Variants in ALDOB observed in about 807,000 individuals in gnomAD.
ALDOB encodes aldolase, fructose-bisphosphate B, also known as fructose-bisphosphate aldolase B.
In ALDOB, 39 loss-of-function variants were observed where a neutral mutation model predicts 41.0. That is an observed-to-expected ratio of 0.95 (90% CI 0.74 to 1.24). The LOEUF is 1.24. ALDOB is among the 50% of genes most tolerant of loss of function. The pLI is 0.00. For synonymous variants in ALDOB, 175 were observed against 168.8 expected (o/e 1.04, Z -0.28); for missense variants, 530 against 457.3 (o/e 1.16, Z -1.45).
intron 1 of ALDOB, among the ~76,000 whole-genome samples, chr9:101,431,121 T>C (rs1274484318): frequency 6.6e-6 from 1 of 152,232 alleles, no homozygotes; most frequent in Non-Finnish European, 1.5e-5. Context: ...ATGGTGATCC[T>C]AGACAGAATG....
At position 101,427,546 on chromosome 9, in the gene ALDOB, G is replaced by A. The variant is rs1564078173; in HGVS notation, c.476C>T (p.Pro159Leu). The A allele has an allele frequency of 6.2e-7, 1 of 1,614,140 alleles. No individual in the cohort carries two copies. ...GTTTTCCTGGATAGCGAGGCTGGAT[G>A]GACACTGGTCGGCAATCCTCAGCAC... is the stretch of plus-strand genomic sequence containing the variant. ...RAVLRIADQC[P>L]SSLAIQENAN... The change falls in exon 5 of 9, where the codon CCA becomes CTA. Residue 159 changes from proline to leucine, a missense_variant. By Grantham distance (98) the Pro-to-Leu change is moderately conservative. Coordinates refer to ENST00000647789, the MANE Select transcript of ALDOB (RefSeq NM_000035.4).
intron 1 of ALDOB, among the ~76,000 whole-genome samples, chr9:101,431,519 T>A (rs117205419): frequency 1.3e-5 from 2 of 152,336 alleles, no homozygotes; most frequent in East Asian, 3.9e-4. Context: ...GTTTCCTAAG[T>A]GCCTCTGGGC....
chr9:101,430,703 T>A, intron 2 of ALDOB, 73 bp downstream of exon 2: 1 of 1,130,348 alleles, frequency 8.8e-7, no homozygotes, highest in Non-Finnish European at 1.3e-6. Flanking sequence ...AAGAATATGA[T>A]TATCAAGTTG....
At position 101,420,945 on chromosome 9, in the gene ALDOB, A is replaced by AC. The variant is rs1417707911; in HGVS notation, c.*863dup. Reference sequence around the variant, plus strand: ...TGACAAGGTAGTCCTGTTTCACCAAACCTGGGCCACTTGAACAAGAATGCT... The same window carrying AC: ...TGACAAGGTAGTCCTGTTTCACCAAACCCTGGGCCACTTGAACAAGAATGCT... On this transcript the variant is annotated 3_prime_UTR_variant, in exon 9 of 9. Coordinates refer to ENST00000647789, the MANE Select transcript of ALDOB (RefSeq NM_000035.4). 2.6e-5 allele frequency: 4 copies of AC among 152,186 alleles called. No homozygotes were observed. Among genetic ancestry groups the AC allele is most frequent in the Non-Finnish European group, 5.9e-5 (4 of 68,042 alleles). 9.4% of individuals were successfully genotyped at this position (152,186 alleles called of 1,614,324 possible). A position where few individuals can be genotyped will look rare whatever the true frequency, so the allele number is the denominator to read the frequency against.
At position 101,421,560 on chromosome 9, in the gene ALDOB, A is replaced by G. The variant is rs1831046875; in HGVS notation, c.*249T>C. ...AAGCCTATTATTTTCTTGGGTGGGTATTCTGGAGCATGGGGAGCTGAAAGT... is the reference window on the plus strand; with the variant it reads ...AAGCCTATTATTTTCTTGGGTGGGTGTTCTGGAGCATGGGGAGCTGAAAGT... On this transcript the variant is annotated 3_prime_UTR_variant, in exon 9 of 9. Transcript: ENST00000647789. 1.1e-5 allele frequency: 6 copies of G among 550,524 alleles called. No individual in the cohort carries two copies. Among genetic ancestry groups the G allele is most frequent in the South Asian group, 7.7e-5 (4 of 51,638 alleles). 34.1% of individuals were successfully genotyped at this position (550,524 alleles called of 1,614,324 possible). A position where few individuals can be genotyped will look rare whatever the true frequency, so the allele number is the denominator to read the frequency against.
intron 1 of ALDOB, 28 bp from the exon 2 acceptor site, chr9:101,430,925 A>C (rs374061630): frequency 4.6e-6 from 7 of 1,514,232 alleles, no homozygotes; most frequent in African/African-American, 2.7e-5. Context: ...AGAGTTGTGC[A>C]CAGAACCATG....
intron 3 of ALDOB, among the ~76,000 whole-genome samples, chr9:101,429,487 A>G (rs758147676): frequency 5.9e-5 from 9 of 152,298 alleles, no homozygotes; most frequent in African/African-American, 1.9e-4. Flanking sequence ...TCATCCCTGT[A>G]AGAACATCAT....
chr9:101,426,106 G>C (rs1427122043), intron 6 of ALDOB, among the ~76,000 whole-genome samples: 1 of 152,140 alleles, frequency 6.6e-6, no homozygotes, highest in African/African-American at 2.4e-5. Flanking sequence ...ACTAAGGTCA[G>C]GTGACATTAT....
chr9:101,426,811 A>G (rs1831136822), intron 5 of ALDOB, among the ~76,000 whole-genome samples, 173 bp from the exon 6 acceptor site: 1 of 152,184 alleles, frequency 6.6e-6, no homozygotes, highest in Non-Finnish European at 1.5e-5. Context: ...ATAAATACAA[A>G]CCCGTAATTA....
intron 7 of ALDOB, 122 bp downstream of exon 7, chr9:101,425,331 G>C (rs1237064040): frequency 1.5e-5 from 18 of 1,207,336 alleles, no homozygotes; most frequent in Admixed American, 5.6e-5. Context: ...AGTGCTGGCT[G>C]CCTGTGAGAT....
chr9:101,426,632 G>C lies in ALDOB; in HGVS notation c.547C>G (p.Leu183Val). The change falls in exon 6 of 9, where the codon CTG becomes GTG. Residue 183 changes from leucine (L) to valine (V), a missense_variant. Leu to Val is a conservative substitution (Grantham distance 32). Coordinates refer to ENST00000647789, the MANE Select transcript of ALDOB (RefSeq NM_000035.4). ...RYASICQQNG[L>V]VPIVEPEVIP... ...ACCTCTGGTTCAACAATAGGTACCA[G>C]TCCATTCTAAAAAGGAAAATCAAGG... 1.2e-6 allele frequency: 2 copies of C among 1,606,368 alleles called. No individual in the cohort carries two copies. Among genetic ancestry groups the C allele is most frequent in the Non-Finnish European group, 1.7e-6 (2 of 1,172,898 alleles).
rs762014941 is a variant in ALDOB, at chr9:101,427,615, G to C, written c.407C>G (p.Ala136Gly). The change falls in exon 5 of 9, where the codon GCT (alanine) becomes GGT (glycine). Residue 136 changes from alanine (A) to glycine (G), a missense_variant. Coordinates refer to ENST00000647789, the MANE Select transcript of ALDOB (RefSeq NM_000035.4). ...QGLDGLSERC[A>G]QYKKDGVDFG... ...GTCAACACCATCTTTCTTGTACTGAGCACAGCGCTCTGAGAGGCCATCAAG... is the reference window on the plus strand; with the variant it reads ...GTCAACACCATCTTTCTTGTACTGACCACAGCGCTCTGAGAGGCCATCAAG... The C allele has an allele frequency of 5.0e-6, 8 of 1,614,114 alleles. No individual in the cohort carries two copies. The South Asian group carries it at 8.8e-5, about 18-fold the overall frequency.
chr9:101,430,578 T>C (rs1831201858), intron 2 of ALDOB, among the ~76,000 whole-genome samples, 198 bp downstream of exon 2: 1 of 152,218 alleles, frequency 6.6e-6, no homozygotes, highest in Non-Finnish European at 1.5e-5. Context: ...AATGAAGGGC[T>C]TGAGCCTCTT....
chr9:101,431,544 G>T (rs995056930), intron 1 of ALDOB, among the ~76,000 whole-genome samples: 2 of 152,156 alleles, frequency 1.3e-5, no homozygotes, highest in South Asian at 2.1e-4. Flanking sequence ...GTTTCTCACT[G>T]CCTATGAGGA....
chr9:101,425,680 C>G, intron 6 of ALDOB, 53 bp from the exon 7 acceptor site: 3 of 1,594,556 alleles, frequency 1.9e-6, no homozygotes, highest in Non-Finnish European at 2.6e-6. Flanking sequence ...CATAGAGCCA[C>G]TTGACCTTGG....
chr9:101,429,923 A>C lies in ALDOB; in HGVS notation c.156T>G (p.Thr52=), dbSNP rs149671008. 5.8e-4 allele frequency: 932 copies of C among 1,614,090 alleles called. No homozygotes were observed. In the African/African-American group the frequency reaches 0.01, roughly 17 times the overall value. Residue 52 remains threonine, a synonymous_variant, in exon 3 of 9, where the codon ACT becomes ACG. Coordinates refer to ENST00000647789, the MANE Select transcript of ALDOB (RefSeq NM_000035.4). ...NRLQRIKVEN[T]EENRRQFREI... is the part of the protein sequence containing the mutation. Reference sequence around the variant, plus strand: ...CTCGGAACTGCCGGCGGTTCTCTTCAGTGTTTTCCACCTTGATCCTCTGCA... The same window carrying C: ...CTCGGAACTGCCGGCGGTTCTCTTCCGTGTTTTCCACCTTGATCCTCTGCA...
Position 101,429,822 on chromosome 9 carries a change from T to A in ALDOB, c.257A>T (p.Gln86Leu), listed in dbSNP as rs1831190153. ...GAACAGCTTTCCCTGGCTGTCCTTC[T>A]GGTAGAGGGTCTCGTGGAAAAGGAT... is the stretch of plus-strand genomic sequence containing the variant. Reference protein sequence around the residue: ...GVILFHETLYQKDSQGKLFRN... With the variant: ...GVILFHETLYLKDSQGKLFRN... The change falls in exon 3 of 9, where the codon CAG becomes CTG. Residue 86 changes from glutamine to leucine, a missense_variant. By Grantham distance (113) the Gln-to-Leu change is moderately radical (BLOSUM62 -2). Coordinates refer to ENST00000647789, the MANE Select transcript of ALDOB (RefSeq NM_000035.4). The A allele has an allele frequency of 6.2e-7, 1 of 1,614,154 alleles. No individual in the cohort carries two copies. The highest frequency in any genetic ancestry group is 8.5e-7 in the Non-Finnish European group (1 of 1,180,030).
Position 101,421,937 on chromosome 9 carries a change from A to G in ALDOB, c.1000-33T>C, listed in dbSNP as rs768103599. The G allele has an allele frequency of 3.8e-6, 6 of 1,575,308 alleles. No individual in the cohort carries two copies. The East Asian group carries it at 9.0e-5, about 24-fold the overall frequency. On this transcript the variant is annotated intron_variant, in intron 8 of 8. Transcript: ENST00000647789. ...ACAAATATGAGAGAGGAGACTGGTT[A>G]GAGTAAATGTGACCCCACCTTGACC...
rs1001811141 is a variant in ALDOB at position 101,429,684 on chromosome 9, C to T, written c.324+71G>A. ...TGAGGAGAATGTTCAGAGTGTTGGC[C>T]CTGTCCTTGCCAGTGTGCTTGGAGT... On this transcript the variant is annotated intron_variant, in intron 3 of 8. Coordinates refer to ENST00000647789, the MANE Select transcript of ALDOB (RefSeq NM_000035.4). 2.9e-6 allele frequency: 4 copies of T among 1,375,656 alleles called. No individual in the cohort carries two copies. In the African/African-American group the frequency reaches 4.3e-5, roughly 15 times the overall value. 85.2% of individuals were successfully genotyped at this position (1,375,656 alleles called of 1,614,324 possible).
Sources: allele counts gnomAD v4.1 joint callset (sites outside exome capture counted in the v4.1 genomes callset), GRCh38; gene constraint gnomAD v4.1.1; transcripts MANE v1.5; gene names NCBI Gene and HGNC (gene_info 2026-07-23, HGNC 2026-07-21).